THSD7B: variants seen among roughly 807,000 people sequenced by gnomAD.
The protein encoded by THSD7B is thrombospondin type-1 domain-containing protein 7B.
Under a neutral mutation model 213.6 loss-of-function variants are expected in THSD7B, and 138 were observed. That is an observed-to-expected ratio of 0.65 (90% CI 0.56 to 0.74). The LOEUF is 0.74. THSD7B is among the 30% of genes least tolerant of loss of function. THSD7B has a pLI of 0.00. For synonymous variants in THSD7B, 742 were observed against 687.0 expected (o/e 1.08, Z -1.25); for missense variants, 1,931 against 1,991.5 (o/e 0.97, Z 0.58).
intron 2 of THSD7B, among the ~76,000 whole-genome samples, chr2:136,964,839 A>G (rs979758999): frequency 5.3e-5 from 8 of 151,966 alleles, no homozygotes; most frequent in African/African-American, 1.7e-4. Flanking sequence ...TGTCTCTACT[A>G]AAAATACAAA....
intron 2 of THSD7B, among the ~76,000 whole-genome samples, chr2:137,025,459 G>A (rs1363763159): frequency 1.3e-5 from 2 of 151,998 alleles, no homozygotes. Context: ...TCTTATGTGT[G>A]GATGTCGATT....
intron 4 of THSD7B, among the ~76,000 whole-genome samples, chr2:137,104,565 A>G (rs1343907667): frequency 6.6e-6 from 1 of 152,200 alleles, no homozygotes; most frequent in Non-Finnish European, 1.5e-5. Context: ...ATCAGAGCAG[A>G]ACTGAAGGAG....
intron 7 of THSD7B, among the ~76,000 whole-genome samples, chr2:137,191,426 G>T (rs1178074838): frequency 2.0e-5 from 3 of 151,912 alleles, no homozygotes; most frequent in African/African-American, 7.3e-5. Context: ...AACAAAGTAT[G>T]GGGCTTAAGC....
chr2:137,662,229 A>ATTTTTTTTTT lies in THSD7B; in HGVS notation c.4459-1151_4459-1142dup, dbSNP rs36040861. Among the ~76,000 whole-genome samples, 729 of 101,738 alleles carry ATTTTTTTTTT rather than the reference A, an allele frequency of 7.2e-3. 7 individuals are homozygous for ATTTTTTTTTT. Among genetic ancestry groups the ATTTTTTTTTT allele is most frequent in the East Asian group, 0.011 (37 of 3,466 alleles). 66.7% of individuals were successfully genotyped at this position (101,738 alleles called of 152,430 possible). ...AGATGCCCGCCACGACGCCCGGCTA[A>ATTTTTTTTTT]TTTTTTTTTTTTCTTTTTTTTTTTT... On this transcript the variant is annotated intron_variant, in intron 25 of 27. Coordinates refer to ENST00000409968, the MANE Select transcript of THSD7B (RefSeq NM_001316349.2).
At chr2:136,770,192 T>C (rs1003765987) in intron 1 of THSD7B, among the ~76,000 whole-genome samples, 4 of 152,236 alleles carry the variant, frequency 2.6e-5, no homozygotes, top group African/African-American at 9.6e-5. Context: ...TGCAGCTTTG[T>C]AGCAATGCAT....
At chr2:137,606,438 A>T (rs2104828472) in intron 17 of THSD7B, among the ~76,000 whole-genome samples, 1 of 152,264 alleles carries the variant, frequency 6.6e-6, no homozygotes, top group South Asian at 2.1e-4. Flanking sequence ...TGGAAGAAGA[A>T]AGGAAAAGGT....
chr2:137,456,146 T>C (rs1476056835), intron 15 of THSD7B, among the ~76,000 whole-genome samples: 1 of 152,214 alleles, frequency 6.6e-6, no homozygotes, highest in African/African-American at 2.4e-5. Flanking sequence ...TAGAAGCAGC[T>C]GCTATTTTAA....
chr2:136,964,832 C>T (rs1685285857), intron 2 of THSD7B, among the ~76,000 whole-genome samples: 1 of 151,996 alleles, frequency 6.6e-6, no homozygotes, highest in Non-Finnish European at 1.5e-5. Context: ...GACACTGTGT[C>T]TCTACTAAAA....
chr2:137,324,037 T>C (rs1170334289), intron 12 of THSD7B, among the ~76,000 whole-genome samples: 2 of 152,216 alleles, frequency 1.3e-5, no homozygotes, highest in African/African-American at 2.4e-5. Context: ...ATTTTATCAC[T>C]GGAGACTTGG....
intron 7 of THSD7B, among the ~76,000 whole-genome samples, chr2:137,205,950 TACTA>T (rs1680975056): frequency 6.6e-6 from 1 of 152,066 alleles, no homozygotes; most frequent in Non-Finnish European, 1.5e-5. Context: ...TAATACTATC[TACTA>T]ACTTATTTTC....
intron 12 of THSD7B, among the ~76,000 whole-genome samples, chr2:137,379,208 AT>A (rs1428055214): frequency 6.6e-6 from 1 of 152,190 alleles, no homozygotes; most frequent in Admixed American, 6.5e-5. Flanking sequence ...GCATTTATTT[AT>A]TTAAAAATTC....
At chr2:137,217,311 C>A (rs892879) in intron 7 of THSD7B, among the ~76,000 whole-genome samples, 90,813 of 152,030 alleles carry the variant, frequency 0.6, 27,540 homozygotes, top group South Asian at 0.71. Context: ...CTGCAAGGAA[C>A]TTATGGAAAA....
intron 24 of THSD7B, among the ~76,000 whole-genome samples, 158 bp from the exon 25 acceptor site, chr2:137,659,506 C>A (rs1319716167): frequency 6.6e-6 from 1 of 151,982 alleles, no homozygotes; most frequent in Non-Finnish European, 1.5e-5. Context: ...TTAGAGTAAT[C>A]AATAAAATAG....
At chr2:137,146,250 T>C (rs956709237) in intron 5 of THSD7B, among the ~76,000 whole-genome samples, 5 of 152,064 alleles carry the variant, frequency 3.3e-5, no homozygotes, top group Admixed American at 3.3e-4. Context: ...AATATAAGCA[T>C]ATAGATTTTA....
chr2:137,657,962 C>T (rs541150952), intron 24 of THSD7B, among the ~76,000 whole-genome samples: 2 of 152,186 alleles, frequency 1.3e-5, no homozygotes, highest in Non-Finnish European at 2.9e-5. Flanking sequence ...CTGCCCGCCT[C>T]GGCCTCCCAA....
Position 137,015,849 on chromosome 2 carries a change from A to G in THSD7B, c.140-40571A>G, listed in dbSNP as rs570527277. Among the ~76,000 whole-genome samples the G allele has an allele frequency of 1.7e-3, 257 of 152,290 alleles. 1 individual carries two copies. The highest frequency in any genetic ancestry group is 6.0e-3 in the African/African-American group (248 of 41,570). On this transcript the variant is annotated intron_variant, in intron 2 of 27. Transcript: ENST00000409968. The stretch of plus-strand genomic sequence containing the variant: ...TGGACTTTGATGTCTTATAAATTGC[A>G]GAACCTGAACCGGTGGCACACAGAG...
At chr2:137,659,588 G>A in intron 24 of THSD7B, 76 bp from the exon 25 acceptor site, 1 of 1,387,496 alleles carries the variant, frequency 7.2e-7, no homozygotes, top group Admixed American at 2.4e-5. Flanking sequence ...CGGTGGCACA[G>A]GTTAAAAAAA....
At chr2:137,206,553 C>T (rs1680988127) in intron 7 of THSD7B, among the ~76,000 whole-genome samples, 1 of 152,006 alleles carries the variant, frequency 6.6e-6, no homozygotes, top group Non-Finnish European at 1.5e-5. Flanking sequence ...CTAGTATCAG[C>T]ATTTTAAAAG....
intron 12 of THSD7B, among the ~76,000 whole-genome samples, chr2:137,290,446 G>A (rs192462999): frequency 9.2e-5 from 14 of 152,102 alleles, no homozygotes; most frequent in East Asian, 3.9e-4. Context: ...GTTTTCTCCC[G>A]ATGCTTACTC....
Sources: gnomAD v4.1 joint callset for allele counts (sites outside exome capture counted in the v4.1 genomes callset) on GRCh38, gnomAD v4.1.1 for gene constraint, MANE v1.5 for transcripts, NCBI Gene and HGNC (gene_info 2026-07-23, HGNC 2026-07-21) for gene names.